DOCK3: variants seen among roughly 807,000 people sequenced by gnomAD.
DOCK3 encodes dedicator of cytokinesis protein 3.
DOCK3 carries 60 observed loss-of-function variants against 265.6 expected under a neutral mutation model. The ratio of observed to expected loss-of-function variants is 0.23; its 90% CI spans 0.18 to 0.28. The LOEUF is 0.28. Ranked by LOEUF, DOCK3 falls within the 10% of genes least tolerant of loss-of-function variation. The pLI, the probability that DOCK3 is intolerant of heterozygous loss-of-function variation, is 1.00. For missense variants in DOCK3, 1,981 were observed against 2,594.3 expected (o/e 0.76, Z 5.14); for synonymous variants, 881 against 938.0 (o/e 0.94, Z 1.11).
At chr3:50,865,735 T>C (rs974405024) in intron 3 of DOCK3, among the ~76,000 whole-genome samples, 1 of 152,212 alleles carries the variant, frequency 6.6e-6, no homozygotes, top group African/African-American at 2.4e-5. Flanking sequence ...CAAACTGTTC[T>C]CCATAGTGGT....
chr3:50,699,895 A>G (rs146231842), intron 1 of DOCK3, among the ~76,000 whole-genome samples: 1 of 152,158 alleles, frequency 6.6e-6, no homozygotes, highest in African/African-American at 2.4e-5. Context: ...TGATATTTTG[A>G]TACATGCATA....
Position 51,375,951 on chromosome 3 carries a change from C to T in DOCK3, c.5500+116C>T, listed in dbSNP as rs9855214. ...CCATACTTCAACACTCAGGTCTGTC[C>T]GTCTGTCCAGAATTCTGACCAGTTC... On this transcript the variant is annotated intron_variant, in intron 51 of 52. Transcript: ENST00000266037. The T allele has an allele frequency of 2.9e-3, 3,027 of 1,059,746 alleles. 67 individuals carry two copies. The African/African-American group carries it at 0.036, about 13-fold the overall frequency. The allele number at this position is 1,059,746 out of a possible 1,614,324, so 65.6% of individuals were successfully genotyped here.
rs558644925 is a variant in DOCK3 at position 51,072,253 on chromosome 3, G to A, written c.465-3103G>A. Among the ~76,000 whole-genome samples the A allele has an allele frequency of 7.2e-5, 11 of 152,252 alleles. No individual in the cohort carries two copies. In the South Asian group the frequency reaches 1.2e-3, roughly 17 times the overall value. ...GCGGCTGACTGTACAAGCAAGCTGAGCTTGCCATGATGCTAACTAAGATAG... is the reference window on the plus strand; with the variant it reads ...GCGGCTGACTGTACAAGCAAGCTGAACTTGCCATGATGCTAACTAAGATAG... On this transcript the variant is annotated intron_variant, in intron 6 of 52. Transcript: ENST00000266037.
chr3:50,843,246 G>A (rs7638082), intron 3 of DOCK3, among the ~76,000 whole-genome samples: 116,331 of 152,080 alleles, frequency 0.76, 45,472 homozygotes, highest in Middle Eastern at 0.88. Flanking sequence ...GGATGTGTGA[G>A]GTTACCTGTG....
intron 5 of DOCK3, among the ~76,000 whole-genome samples, chr3:51,017,220 G>A (rs1392442699): frequency 8.0e-5 from 12 of 150,682 alleles, no homozygotes; most frequent in Non-Finnish European, 1.8e-4. Context: ...GGTATCAGTT[G>A]TGATGTCTCC....
intron 4 of DOCK3, among the ~76,000 whole-genome samples, chr3:50,927,770 C>T (rs1020958318): frequency 1.3e-5 from 2 of 152,078 alleles, no homozygotes; most frequent in African/African-American, 4.8e-5. Flanking sequence ...AATCAAGTAT[C>T]CATCATTTTA....
At chr3:51,056,855 CACA>C (rs2081221338) in intron 5 of DOCK3, among the ~76,000 whole-genome samples, 1 of 152,030 alleles carries the variant, frequency 6.6e-6, no homozygotes, top group Non-Finnish European at 1.5e-5. Context: ...GTAATCTTCC[CACA>C]ACAACATTGG....
intron 1 of DOCK3, among the ~76,000 whole-genome samples, chr3:50,758,464 A>G (rs1184613504): frequency 1.3e-5 from 2 of 152,084 alleles, no homozygotes; most frequent in Non-Finnish European, 2.9e-5. Flanking sequence ...AAAAAGATAT[A>G]TAATTAAATT....
chr3:50,846,498 G>T (rs1366099475), intron 3 of DOCK3, among the ~76,000 whole-genome samples: 1 of 152,068 alleles, frequency 6.6e-6, no homozygotes, highest in Non-Finnish European at 1.5e-5. Context: ...AGATTTTGGT[G>T]CTAGGATGAT....
intron 12 of DOCK3, among the ~76,000 whole-genome samples, chr3:51,185,710 C>T (rs1030615837): frequency 1.8e-4 from 28 of 152,100 alleles, no homozygotes; most frequent in African/African-American, 5.5e-4. Context: ...ATCATGGGGG[C>T]GGGTCTTTCC....
At chr3:50,880,036 G>A (rs2107648309) in intron 3 of DOCK3, among the ~76,000 whole-genome samples, 1 of 152,188 alleles carries the variant, frequency 6.6e-6, no homozygotes, top group East Asian at 1.9e-4. Context: ...TGACTGCTGG[G>A]TACATAACAA....
chr3:51,284,022 A>G (rs2109040519), intron 27 of DOCK3, among the ~76,000 whole-genome samples: 1 of 152,158 alleles, frequency 6.6e-6, no homozygotes, highest in East Asian at 1.9e-4. Context: ...GGGACAGGCA[A>G]GTATTGGCCC....
At chr3:51,320,766 G>A (rs1182678362) in intron 32 of DOCK3, among the ~76,000 whole-genome samples, 1 of 152,198 alleles carries the variant, frequency 6.6e-6, no homozygotes, top group Non-Finnish European at 1.5e-5. Flanking sequence ...CGGCCAGAAT[G>A]CCTCTCTAGA....
chr3:51,356,903 G>A, intron 43 of DOCK3, 59 bp from the exon 44 acceptor site: 2 of 1,522,016 alleles, frequency 1.3e-6, no homozygotes, highest in Non-Finnish European at 1.8e-6. Flanking sequence ...CAGCTCTCAG[G>A]AAGATGATGA....
At chr3:51,077,582 T>C (rs1443030135) in intron 7 of DOCK3, among the ~76,000 whole-genome samples, 6 of 152,190 alleles carry the variant, frequency 3.9e-5, no homozygotes, top group Admixed American at 3.9e-4. Context: ...TGTTTGTAGA[T>C]AGATTAAATT....
intron 9 of DOCK3, among the ~76,000 whole-genome samples, chr3:51,101,661 G>T (rs1328389615): frequency 6.6e-6 from 1 of 152,154 alleles, no homozygotes; most frequent in Non-Finnish European, 1.5e-5. Flanking sequence ...TACAGAGCCT[G>T]CTATGAGCTG....
intron 26 of DOCK3, chr3:51,278,664 T>C (rs2080948834): frequency 1.7e-6 from 1 of 595,484 alleles, no homozygotes. Flanking sequence ...AACCCAGCCT[T>C]CTAACCAACA....
At chr3:51,058,426 T>C (rs1230589690) in intron 5 of DOCK3, among the ~76,000 whole-genome samples, 1 of 152,210 alleles carries the variant, frequency 6.6e-6, no homozygotes, top group East Asian at 1.9e-4. Context: ...AAAAACCATG[T>C]ACAATGCCTT....
chr3:50,880,876 C>T (rs1440855463), intron 3 of DOCK3, among the ~76,000 whole-genome samples: 1 of 152,134 alleles, frequency 6.6e-6, no homozygotes, highest in East Asian at 1.9e-4. Context: ...CAAAAATCCT[C>T]AATAAAATAC....
Sources: allele counts gnomAD v4.1 joint callset (sites outside exome capture counted in the v4.1 genomes callset), GRCh38; gene constraint gnomAD v4.1.1; transcripts MANE v1.5; gene names NCBI Gene and HGNC (gene_info 2026-07-23, HGNC 2026-07-21).